Variants in SULT2A1 observed in about 807,000 individuals in gnomAD.
SULT2A1 encodes the protein sulfotransferase family 2A member 1.
A neutral mutation model predicts 33.9 loss-of-function variants in SULT2A1; 43 were observed. That is an observed-to-expected ratio of 1.27 (90% CI 1.00 to 1.64). The LOEUF (loss-of-function observed/expected upper bound fraction) is 1.64. SULT2A1 is among the 40% of genes most tolerant of loss of function. The pLI is 0.00. For synonymous variants in SULT2A1, 125 were observed against 113.6 expected (o/e 1.10, Z -0.64); for missense variants, 300 against 335.1 (o/e 0.90, Z 0.82).
At chr19:47,871,693 C>A (rs62129966) in intron 5 of SULT2A1, 126 bp from the exon 6 acceptor site, 88,796 of 661,736 alleles carry the variant, frequency 0.13, 7,122 homozygotes, top group Non-Finnish European at 0.16. Flanking sequence ...GGGCCTTTAT[C>A]CTGCCTGGTC....
chr19:47,875,652 G>GCAAAA (rs1016814772), intron 4 of SULT2A1, among the ~76,000 whole-genome samples: 9 of 151,796 alleles, frequency 5.9e-5, no homozygotes, highest in South Asian at 4.1e-4. Context: ...ACAAAACAAA[G>GCAAAA]CAAAACAAAA....
chr19:47,871,419 G>A lies in SULT2A1; in HGVS notation c.*36C>T, dbSNP rs1431865303. On this transcript the variant is annotated 3_prime_UTR_variant, in exon 6 of 6. Transcript: ENST00000222002. Reference sequence around the variant, plus strand: ...CATGTACAAGGACAGGAGAATCAATGTCATTCTCCATATAAGATCCAGAGT... The same window carrying A: ...CATGTACAAGGACAGGAGAATCAATATCATTCTCCATATAAGATCCAGAGT... 2 of 1,436,182 alleles carry A rather than the reference G, an allele frequency of 1.4e-6. No homozygotes were observed. The highest frequency in any genetic ancestry group is 2.3e-5 in the South Asian group (2 of 87,408). The allele number at this position is 1,436,182 out of a possible 1,614,324, so 89.0% of individuals were successfully genotyped here.
chr19:47,881,226 C>A (rs925868811), intron 3 of SULT2A1, among the ~76,000 whole-genome samples: 17 of 151,104 alleles, frequency 1.1e-4, no homozygotes, highest in Admixed American at 1.1e-3. Flanking sequence ...TTAGTAGAGA[C>A]AGTTTCATTA....
intron 4 of SULT2A1, among the ~76,000 whole-genome samples, chr19:47,875,156 G>T (rs10420308): frequency 3.2e-5 from 3 of 92,514 alleles, no homozygotes; most frequent in South Asian, 3.8e-4. Context: ...GTGAGACCTT[G>T]TCAAAAAAAA....
Position 47,874,666 on chromosome 19 carries a change from G to C in SULT2A1, c.736C>G (p.Leu246Val). 1 of 1,611,210 alleles carries C rather than the reference G, an allele frequency of 6.2e-7. No homozygotes were observed. Among genetic ancestry groups the C allele is most frequent in the Non-Finnish European group, 8.5e-7 (1 of 1,179,036 alleles). Residue 246 changes from leucine to valine, a missense_variant, in exon 5 of 6, where the codon CTG becomes GTG. Leu to Val is a conservative substitution (Grantham distance 32). Transcript: ENST00000222002. Reference protein sequence around the residue: ...VDYVVDKAQLLRKGVSGDWKN... With the variant: ...VDYVVDKAQLVRKGVSGDWKN... ...GAGGATTTTCTTTTACCTTTTCTCA[G>C]AAGTTGTGCTTTGTCCACTACATAA...
chr19:47,884,486 T>G (rs924768935), intron 1 of SULT2A1, among the ~76,000 whole-genome samples: 1 of 149,532 alleles, frequency 6.7e-6, no homozygotes, highest in Non-Finnish European at 1.5e-5. Flanking sequence ...CTTTTTTTTT[T>G]TTTTTTTTTA....
intron 5 of SULT2A1, among the ~76,000 whole-genome samples, chr19:47,873,989 G>T (rs931485821): frequency 6.6e-6 from 1 of 151,966 alleles, no homozygotes; most frequent in African/African-American, 2.4e-5. Context: ...CCCCAACCCC[G>T]TCCTTGTCCT....
At chr19:47,877,608 G>A (rs1731425673) in intron 4 of SULT2A1, among the ~76,000 whole-genome samples, 1 of 150,164 alleles carries the variant, frequency 6.7e-6, no homozygotes. Flanking sequence ...AGAGTGCAGT[G>A]GTGTGATCTC....
Position 47,871,167 on chromosome 19 carries a change from T to G in SULT2A1, c.*288A>C. On this transcript the variant is annotated 3_prime_UTR_variant, in exon 6 of 6. Coordinates refer to ENST00000222002, the MANE Select transcript of SULT2A1 (RefSeq NM_003167.4). ...TGGCTAATTTTTTTTGGTTTTTGTA[T>G]TTTTAGTAGAGATGGGGTTTCACCG... The G allele has an allele frequency of 4.0e-6, 1 of 247,146 alleles. No homozygotes were observed. Among genetic ancestry groups the G allele is most frequent in the Non-Finnish European group, 7.7e-6 (1 of 130,252 alleles). The allele number at this position is 247,146 out of a possible 1,614,324, so 15.3% of individuals were successfully genotyped here.
Position 47,874,660 on chromosome 19 carries a change from T to A in SULT2A1, c.742A>T (p.Lys248Ter). The A allele has an allele frequency of 6.2e-7, 1 of 1,611,630 alleles. No individual in the cohort carries two copies. Among genetic ancestry groups the A allele is most frequent in the Non-Finnish European group, 8.5e-7 (1 of 1,179,254 alleles). Residue 248 changes from lysine to a stop codon, truncating the protein, a stop_gained, in exon 5 of 6, where the codon AAA becomes TAA. Transcript: ENST00000222002. LOFTEE classifies it low-confidence loss of function (END_TRUNC). Reference protein sequence around the residue: ...YVVDKAQLLRKGVSGDWKNHF... With the variant: ...YVVDKAQLLR ...AAACCAGAGGATTTTCTTTTACCTT[T>A]TCTCAGAAGTTGTGCTTTGTCCACT...
At chr19:47,874,267 G>C (rs374749031) in intron 5 of SULT2A1, among the ~76,000 whole-genome samples, 36 of 152,186 alleles carry the variant, frequency 2.4e-4, no homozygotes, top group African/African-American at 8.4e-4. Flanking sequence ...TTGGCCGGGC[G>C]CCGTGGCTCA....
chr19:47,882,102 A>G lies in SULT2A1; in HGVS notation c.454T>C (p.Trp152Arg). 1 of 1,613,834 alleles carries G rather than the reference A, an allele frequency of 6.2e-7. No homozygotes were observed. The highest frequency in any genetic ancestry group is 1.1e-5 in the South Asian group (1 of 90,988). Residue 152 changes from tryptophan (W) to arginine (R), a missense_variant, in exon 3 of 6, where the codon TGG becomes CGG. Coordinates refer to ENST00000222002, the MANE Select transcript of SULT2A1 (RefSeq NM_003167.4). ...CACTCACCAGTTCCTTGACAAAACC[A>G]TTCAAAATATTCTTCCCATGACTTT... Reference protein sequence around the residue: ...KPKSWEEYFEWFCQGTVLYGS... With the variant: ...KPKSWEEYFERFCQGTVLYGS...
At chr19:47,878,908 G>T in intron 4 of SULT2A1, 128 bp downstream of exon 4, 1 of 722,160 alleles carries the variant, frequency 1.4e-6, no homozygotes, top group South Asian at 1.6e-5. Context: ...CCTGCTCTTT[G>T]TGACTCTTCA....
chr19:47,876,141 G>A (rs1158579363), intron 4 of SULT2A1, among the ~76,000 whole-genome samples: 1 of 152,028 alleles, frequency 6.6e-6, no homozygotes, highest in African/African-American at 2.4e-5. Context: ...TCAACCTCCC[G>A]AGTAGCTGGG....
In SULT2A1 at chr19:47,871,573, A is replaced by G; in HGVS notation, c.746-6T>C. 1.2e-6 allele frequency: 2 copies of G among 1,601,756 alleles called. No homozygotes were observed. On this transcript the variant is annotated splice_polypyrimidine_tract_variant and splice_region_variant and intron_variant, in intron 5 of 5. Transcript: ENST00000222002. ...TTTCCAGTCCCCAGATACACCTGGA[A>G]ACAAGAAGCAGAAACTCAGGTCAGA...
At chr19:47,885,833 T>TCATCCTCAGC (rs1292629203) in intron 1 of SULT2A1, among the ~76,000 whole-genome samples, 1 of 152,182 alleles carries the variant, frequency 6.6e-6, no homozygotes, top group Non-Finnish European at 1.5e-5. Context: ...ACATCATTGG[T>TCATCCTCAGC]CATCCTCAGC....
chr19:47,875,367 G>A (rs1968534071), intron 4 of SULT2A1, among the ~76,000 whole-genome samples: 1 of 151,928 alleles, frequency 6.6e-6, no homozygotes, highest in Admixed American at 6.6e-5. Context: ...GTTGGGCGCC[G>A]TGGCTCCTGC....
intron 4 of SULT2A1, among the ~76,000 whole-genome samples, chr19:47,875,538 TGAGGTGG>T (rs2122144935): frequency 6.6e-6 from 1 of 152,124 alleles, no homozygotes; most frequent in East Asian, 1.9e-4. Context: ...CTTGGGAGGC[TGAGGTGG>T]GAGGATCACC....
Position 47,877,428 on chromosome 19 carries a change from T to G in SULT2A1, c.567+1608A>C, listed in dbSNP as rs923588020. 2.6e-5 allele frequency among the ~76,000 whole-genome samples: 4 copies of G among 151,772 alleles called. No homozygotes were observed. In the East Asian group the frequency reaches 7.8e-4, roughly 30 times the overall value. On this transcript the variant is annotated intron_variant, in intron 4 of 5. Coordinates refer to ENST00000222002, the MANE Select transcript of SULT2A1 (RefSeq NM_003167.4). ...TAATTTTTTATATTTTTGGTAGAGA[T>G]GGGATTTCGCCATGTTGCCCAGGCT... is the stretch of plus-strand genomic sequence containing the variant.
Sources: gnomAD v4.1 joint callset for allele counts (sites outside exome capture counted in the v4.1 genomes callset) on GRCh38, gnomAD v4.1.1 for gene constraint, MANE v1.5 for transcripts, NCBI Gene and HGNC (gene_info 2026-07-23, HGNC 2026-07-21) for gene names.